Variants in PTPN11 observed in about 807,000 individuals in gnomAD.
The protein encoded by PTPN11 is tyrosine-protein phosphatase non-receptor type 11.
PTPN11 carries 6 observed loss-of-function variants against 78.8 expected under a neutral mutation model. The observed-to-expected ratio is 0.08, with a 90% CI of 0.04 to 0.15. The LOEUF is 0.15. Among genes scored for constraint, PTPN11 ranks in the 10% least tolerant of loss-of-function variants. The pLI, the probability that PTPN11 is intolerant of heterozygous loss-of-function variation, is 1.00. For synonymous variants in PTPN11, 221 were observed against 263.5 expected, an observed-to-expected ratio of 0.84 and a Z score of 1.56; for missense variants, 386 against 744.8, an observed-to-expected ratio of 0.52 and a Z score of 5.61.
At chr12:112,451,670 T>G (rs889424517) in intron 3 of PTPN11, among the ~76,000 whole-genome samples, 1 of 152,228 alleles carries the variant, frequency 6.6e-6, no homozygotes, top group African/African-American at 2.4e-5. Context: ...CCAAGTCTTA[T>G]GTGCATTATA....
chr12:112,473,190 A>C, intron 7 of PTPN11, 150 bp downstream of exon 7: 1 of 698,140 alleles, frequency 1.4e-6, no homozygotes. Context: ...ATAATCAACC[A>C]TGGTGGGTGT....
chr12:112,428,494 G>C (rs1047644004), intron 1 of PTPN11, among the ~76,000 whole-genome samples: 8 of 133,496 alleles, frequency 6.0e-5, no homozygotes, highest in Non-Finnish European at 1.2e-4. Flanking sequence ...TAATTCCACT[G>C]TTCTTTATCT....
At chr12:112,435,218 C>T (rs2037771505) in intron 1 of PTPN11, among the ~76,000 whole-genome samples, 1 of 151,638 alleles carries the variant, frequency 6.6e-6, no homozygotes, top group African/African-American at 2.4e-5. Context: ...TGGGGTTTCC[C>T]TACGTTGCCC....
intron 13 of PTPN11, among the ~76,000 whole-genome samples, chr12:112,496,604 C>T (rs747691284): frequency 1.9e-4 from 29 of 152,162 alleles, no homozygotes; most frequent in Non-Finnish European, 3.4e-4. Flanking sequence ...AATCCATTGC[C>T]GCAGGGCTCA....
chr12:112,481,429 T>G (rs747816156), intron 9 of PTPN11, among the ~76,000 whole-genome samples: 1 of 152,202 alleles, frequency 6.6e-6, no homozygotes, highest in Non-Finnish European at 1.5e-5. Context: ...AACAGACACC[T>G]GCACGAGCTG....
intron 13 of PTPN11, among the ~76,000 whole-genome samples, chr12:112,493,406 A>T (rs1226562479): frequency 2.3e-5 from 3 of 131,784 alleles, no homozygotes; most frequent in Non-Finnish European, 3.1e-5. Context: ...TTTTTTTGAG[A>T]TGGAGTCTCA....
rs80269561 is a variant in PTPN11 at position 112,506,946 on chromosome 12, TTGATGATGATGA to T, written c.*1190_*1201del. 104 of 217,236 alleles carry T rather than the reference TTGATGATGATGA, an allele frequency of 4.8e-4. No homozygotes were observed. The highest frequency in any genetic ancestry group is 3.8e-3 in the Middle Eastern group (2 of 526). 13.5% of individuals were successfully genotyped at this position (217,236 alleles called of 1,614,324 possible). On this transcript the variant is annotated 3_prime_UTR_variant, in exon 16 of 16. Coordinates refer to ENST00000351677, the MANE Select transcript of PTPN11 (RefSeq NM_002834.5). ...ACAGTGTCCCTTCTACTTCCCTCTA[TTGATGATGATGA>T]TGATGATGATGATGATGATGATGAT...
At chr12:112,441,436 A>G (rs1303923143) in intron 1 of PTPN11, among the ~76,000 whole-genome samples, 1 of 147,960 alleles carries the variant, frequency 6.8e-6, no homozygotes, top group Non-Finnish European at 1.5e-5. Flanking sequence ...TAATGTTCGT[A>G]TTTTTTTGTA....
chr12:112,477,894 A>G lies in PTPN11; in HGVS notation c.971A>G (p.Lys324Arg), dbSNP rs772684421. 3.1e-6 allele frequency: 5 copies of G among 1,614,200 alleles called. No homozygotes were observed. The highest frequency in any genetic ancestry group is 1.3e-5 in the African/African-American group (1 of 75,050). The change falls in exon 9 of 16, where the codon AAA becomes AGA. Residue 324 changes from lysine to arginine, a missense_variant. Physicochemically the swap from Lys to Arg is conservative, Grantham distance 26. Transcript: ENST00000351677. ...ACCAAGTGCAACAATTCAAAGCCCA[A>G]AAAGAGTTACATTGCCACACAAGGC... is the stretch of plus-strand genomic sequence containing the variant. The part of the protein sequence containing the change: ...FETKCNNSKP[K>R]KSYIATQGCL...
At position 112,506,987 on chromosome 12, in the gene PTPN11, GAT is replaced by G; in HGVS notation, c.*1196_*1197del. 3.9e-6 allele frequency: 1 copy of G among 257,260 alleles called. No homozygotes were observed. The allele number at this position is 257,260 out of a possible 1,614,324, so 15.9% of individuals were successfully genotyped here. A position where few individuals can be genotyped will look rare whatever the true frequency, so the allele number is the denominator to read the frequency against. ...TGATGATGATGATGATGATGATGAT[GAT>G]GATGGTTTTTTCTAATCAGAAGAAA... On this transcript the variant is annotated 3_prime_UTR_variant, in exon 16 of 16. Transcript: ENST00000351677.
intron 13 of PTPN11, among the ~76,000 whole-genome samples, chr12:112,491,407 A>C (rs1047280091): frequency 6.6e-6 from 1 of 152,192 alleles, no homozygotes. Flanking sequence ...TTAAAAATGT[A>C]AATTTTAAAA....
chr12:112,432,145 A>G (rs1460178282), intron 1 of PTPN11, among the ~76,000 whole-genome samples: 1 of 152,056 alleles, frequency 6.6e-6, no homozygotes, highest in Non-Finnish European at 1.5e-5. Context: ...ACATGGTACC[A>G]TTTTCCATTA....
chr12:112,437,888 A>G lies in PTPN11; in HGVS notation c.15-8388A>G, dbSNP rs141721981. On this transcript the variant is annotated intron_variant, in intron 1 of 15. Transcript: ENST00000351677. ...GGCTCCCTCTATTTTTTTTAATACA[A>G]GTTGGTCTGCCTAAGTTTTCTTACT... 5.5e-3 allele frequency among the ~76,000 whole-genome samples: 836 copies of G among 152,158 alleles called. 7 individuals are homozygous for G. The highest frequency in any genetic ancestry group is 0.019 in the African/African-American group (791 of 41,514).
At chr12:112,440,034 T>A (rs537302189) in intron 1 of PTPN11, among the ~76,000 whole-genome samples, 1 of 152,178 alleles carries the variant, frequency 6.6e-6, no homozygotes, top group East Asian at 1.9e-4. Flanking sequence ...AATGTAAGAG[T>A]TTCATTATAC....
intron 1 of PTPN11, among the ~76,000 whole-genome samples, chr12:112,420,982 C>G (rs988744085): frequency 6.6e-6 from 1 of 152,116 alleles, no homozygotes; most frequent in Non-Finnish European, 1.5e-5. Flanking sequence ...AGACATCAGA[C>G]GGGGCTGGGG....
chr12:112,492,712 T>G (rs1213818697), intron 13 of PTPN11, among the ~76,000 whole-genome samples: 1 of 151,980 alleles, frequency 6.6e-6, no homozygotes, highest in Non-Finnish European at 1.5e-5. Context: ...AGAGACGGGG[T>G]CTCACCGTGT....
chr12:112,449,746 G>T (rs1000217578), intron 2 of PTPN11, among the ~76,000 whole-genome samples: 1 of 151,940 alleles, frequency 6.6e-6, no homozygotes, highest in African/African-American at 2.4e-5. Context: ...TATGCAATTC[G>T]ATAGGCCAGT....
At chr12:112,432,813 CA>C (rs1283713369) in intron 1 of PTPN11, among the ~76,000 whole-genome samples, 6 of 144,916 alleles carry the variant, frequency 4.1e-5, no homozygotes, top group Admixed American at 1.4e-4. Context: ...GACCCCATCT[CA>C]AAAAAAAAAG....
rs2135817333 is a variant in PTPN11 at position 112,419,079 on chromosome 12, G to T, written c.-33G>T. The T allele has an allele frequency of 6.5e-7, 1 of 1,533,716 alleles. No homozygotes were observed. The highest frequency in any genetic ancestry group is 8.8e-7 in the Non-Finnish European group (1 of 1,142,576). The stretch of plus-strand genomic sequence containing the variant: ...GCCCAGCGGAGCCTGAGCAAGGAGC[G>T]GGTCCGTCGCGGAGCCGGAGGGCGG... On this transcript the variant is annotated 5_prime_UTR_variant, in exon 1 of 16. Transcript: ENST00000351677.
Sources: allele counts gnomAD v4.1 joint callset (sites outside exome capture counted in the v4.1 genomes callset), GRCh38; gene constraint gnomAD v4.1.1; transcripts MANE v1.5; gene names NCBI Gene and HGNC (gene_info 2026-07-23, HGNC 2026-07-21).